Variants in HLA-C observed in about 807,000 individuals in gnomAD.
HLA-C encodes the protein HLA class I histocompatibility antigen, C alpha chain.
Under a neutral mutation model 36.9 loss-of-function variants are expected in HLA-C, and 15 were observed. The observed-to-expected ratio is 0.41, with a 90% CI of 0.27 to 0.63. The LOEUF (loss-of-function observed/expected upper bound fraction) is 0.63. HLA-C is among the 20% of genes least tolerant of loss of function. The pLI is 0.35. For missense variants in HLA-C, 272 were observed against 400.4 expected, an observed-to-expected ratio of 0.68 and a Z score of 2.74; for synonymous variants, 104 against 174.3, an observed-to-expected ratio of 0.60 and a Z score of 3.18.
In HLA-C at chr6:31,270,776, GC is replaced by G; in HGVS notation, c.620-292del. 1.2e-5 allele frequency: 4 copies of G among 334,944 alleles called. 2 individuals are homozygous for G. In the East Asian group the frequency reaches 4.0e-4, roughly 34 times the overall value. The allele number at this position is 334,944 out of a possible 1,614,324, so 20.7% of individuals were successfully genotyped here. A position where few individuals can be genotyped will look rare whatever the true frequency, so the allele number is the denominator to read the frequency against. ...CATTGAGTGTGAGGCAGAGAACAAG[GC>G]CTGAGAGAAAGGTCAGCAGCCTGAC... On this transcript the variant is annotated intron_variant, in intron 3 of 7. Coordinates refer to ENST00000376228, the Ensembl canonical transcript of HLA-C.
chr6:31,270,773 A>G, intron 3 of HLA-C: 1 of 335,904 alleles, frequency 3.0e-6, no homozygotes, highest in Non-Finnish European at 4.9e-6. Flanking sequence ...GGCAGAGAAC[A>G]AGGCCTGAGA....
rs281860511 is a variant in HLA-C, at chr6:31,271,172, C to T, written c.520G>A (p.Ala174Thr). 4 of 1,007,718 alleles carry T rather than the reference C, an allele frequency of 4.0e-6. 1 individual carries two copies. Among genetic ancestry groups the T allele is most frequent in the Non-Finnish European group, 3.9e-6 (3 of 769,836 alleles). 62.4% of individuals were successfully genotyped at this position (1,007,718 alleles called of 1,614,324 possible). ...GCTCTCAGCTGCTCCGCCGCACGGG[C>T]CGCCTCCAACTTGCGCTGGGTGATC... Residue 174 changes from alanine (A) to threonine (T), a missense_variant, in exon 3 of 8, where the codon GCC (alanine) becomes ACC (threonine). By Grantham distance (58) the Ala-to-Thr change is moderately conservative. This residue lies in a region of HLA-C where 49 missense variants were observed against 93.9 expected (regional missense o/e 0.52). Coordinates refer to ENST00000376228, the Ensembl canonical transcript of HLA-C.
exon 2 of HLA-C, chr6:31,271,696 C>G: frequency 3.3e-6 from 5 of 1,506,488 alleles, no homozygotes; most frequent in Non-Finnish European, 4.5e-6. Flanking sequence ...GGTCCCAATA[C>G]TCCGGCCCCT....
rs9264669 is a variant in HLA-C, at chr6:31,271,904, A to T, written c.74-36T>A. On this transcript the variant is annotated intron_variant, in intron 1 of 7. Coordinates refer to ENST00000376228, the Ensembl canonical transcript of HLA-C. ...GGAGGGGCTGAGACCCGCCCGACCC[A>T]CCTCCCTGCGCGGCTCCCCGGGTCC... 0.29 allele frequency: 250,094 copies of T among 859,562 alleles called. 100,246 individuals are homozygous for T. Among genetic ancestry groups the T allele is most frequent in the East Asian group, 0.66 (14,301 of 21,542 alleles). 53.2% of individuals were successfully genotyped at this position (859,562 alleles called of 1,614,324 possible). A position where few individuals can be genotyped will look rare whatever the true frequency, so the allele number is the denominator to read the frequency against.
In HLA-C at chr6:31,271,381, C is replaced by G. The variant is rs755041645; in HGVS notation, c.344-33G>C. Reference sequence around the variant, plus strand: ...CGCCCCCGCGGTCAGCCCAGTCCCCCGAGCCCCGCCCCGCCCCGACCAACC... The same window carrying G: ...CGCCCCCGCGGTCAGCCCAGTCCCCGGAGCCCCGCCCCGCCCCGACCAACC... On this transcript the variant is annotated intron_variant, in intron 2 of 7. Transcript: ENST00000376228. The G allele has an allele frequency of 2.3e-6, 2 of 868,420 alleles. 1 individual carries two copies. Among genetic ancestry groups the G allele is most frequent in the Non-Finnish European group, 3.0e-6 (2 of 673,038 alleles). 53.8% of individuals were successfully genotyped at this position (868,420 alleles called of 1,614,324 possible). A position where few individuals can be genotyped will look rare whatever the true frequency, so the allele number is the denominator to read the frequency against.
At chr6:31,272,060 C>A in exon 1 of HLA-C, 1 of 1,016,528 alleles carries the variant, frequency 9.8e-7, no homozygotes, top group Non-Finnish European at 1.3e-6. Context: ...CTCGGGGCGC[C>A]ATGACCCGCA....
chr6:31,271,934 C>T lies in HLA-C; in HGVS notation c.73+65G>A, dbSNP rs542265088. On this transcript the variant is annotated intron_variant, in intron 1 of 7. Transcript: ENST00000376228. ...CCTGCGCGGCTCCCCGGGTCCTGCG[C>T]CCTCGCCGGGAGGGCCCCTCGCTCC... 25 of 1,137,338 alleles carry T rather than the reference C, an allele frequency of 2.2e-5. 5 individuals are homozygous for T. The South Asian group carries it at 3.3e-4, about 15-fold the overall frequency. 70.5% of individuals were successfully genotyped at this position (1,137,338 alleles called of 1,614,324 possible). A position where few individuals can be genotyped will look rare whatever the true frequency, so the allele number is the denominator to read the frequency against.
exon 5 of HLA-C, chr6:31,269,973 C>T: frequency 1.2e-6 from 1 of 835,604 alleles, no homozygotes; most frequent in Non-Finnish European, 1.5e-6. Context: ...TACCTGAGCT[C>T]TTCCTCCTAC....
chr6:31,271,313 G>T (rs34592426), exon 3 of HLA-C: 15 of 1,043,650 alleles, frequency 1.4e-5, no homozygotes, highest in Middle Eastern at 3.2e-4. Flanking sequence ...TCGGGCCCCA[G>T]GTCGCAGCCA....
Position 31,270,299 on chromosome 6 carries a change from G to C in HLA-C, c.806C>G (p.Ala269Gly). The change falls in exon 4 of 8, where the codon GCA becomes GGA. Residue 269 changes from alanine (A) to glycine (G), a missense_variant. Physicochemically the swap from Ala to Gly is moderately conservative, Grantham distance 60 (BLOSUM62 0). Around this residue, in one of 8 missense-constraint regions of HLA-C, gnomAD observed 32 missense variants for 24.4 expected, o/e 1.31. Transcript: ENST00000376228. ...TTGTCCAGAAGGCACCACCACAGCT[G>C]CCCACTTCTGGAAGGTTCCATCTCC... is the stretch of plus-strand genomic sequence containing the variant. The C allele has an allele frequency of 3.3e-6, 3 of 899,844 alleles. 1 individual carries two copies. Among genetic ancestry groups the C allele is most frequent in the Non-Finnish European group, 4.3e-6 (3 of 695,608 alleles). The allele number at this position is 899,844 out of a possible 1,614,324, so 55.7% of individuals were successfully genotyped here. A position where few individuals can be genotyped will look rare whatever the true frequency, so the allele number is the denominator to read the frequency against.
At position 31,271,361 on chromosome 6, in the gene HLA-C, C is replaced by T. The variant is rs747010950; in HGVS notation, c.344-13G>A. On this transcript the variant is annotated splice_polypyrimidine_tract_variant and intron_variant, in intron 2 of 7. Transcript: ENST00000376228. ...AGGGTGTGAGACCCTGGCCCCGCCC[C>T]CGCGGTCAGCCCAGTCCCCCGAGCC... is the stretch of plus-strand genomic sequence containing the variant. 23 of 931,442 alleles carry T rather than the reference C, an allele frequency of 2.5e-5. No homozygotes were observed. The highest frequency in any genetic ancestry group is 4.5e-4 in the Middle Eastern group (1 of 2,242). The allele number at this position is 931,442 out of a possible 1,614,324, so 57.7% of individuals were successfully genotyped here.
chr6:31,269,387 TG>T lies in HLA-C; in HGVS notation c.1049-3del. Reference sequence around the variant, plus strand: ...CAGAGCCCTGGGCACTGTTGCTGCCTGGGGTAGAACAAAAAAAAAGACCTGG... The same window carrying T: ...CAGAGCCCTGGGCACTGTTGCTGCCTGGGTAGAACAAAAAAAAAGACCTGG... On this transcript the variant is annotated splice_region_variant and splice_polypyrimidine_tract_variant and intron_variant, in intron 6 of 7. Coordinates refer to ENST00000376228, the Ensembl canonical transcript of HLA-C. The T allele has an allele frequency of 2.3e-6, 2 of 871,716 alleles. No homozygotes were observed. The highest frequency in any genetic ancestry group is 5.9e-5 in the East Asian group (1 of 16,820). The allele number at this position is 871,716 out of a possible 1,614,324, so 54.0% of individuals were successfully genotyped here.
rs41555814 is a variant in HLA-C at position 31,271,131 on chromosome 6, C to A, written c.561G>T (p.Thr187=). 5 of 1,151,724 alleles carry A rather than the reference C, an allele frequency of 4.3e-6. 1 individual carries two copies. The Admixed American group carries it at 9.9e-5, about 23-fold the overall frequency. 71.3% of individuals were successfully genotyped at this position (1,151,724 alleles called of 1,614,324 possible). The change falls in exon 3 of 8, where the codon ACG becomes ACT. Residue 187 remains threonine (T), a synonymous_variant. Transcript: ENST00000376228. Reference sequence around the variant, plus strand: ...GGTATCTGCGGAGCCACTCCACGCACGTGCCCTCCAGGTAGGCTCTCAGCT... The same window carrying A: ...GGTATCTGCGGAGCCACTCCACGCAAGTGCCCTCCAGGTAGGCTCTCAGCT...
rs1323742039 is a variant in HLA-C, at chr6:31,271,987, C to G, written c.73+12G>C. 1 of 1,079,278 alleles carries G rather than the reference C, an allele frequency of 9.3e-7. No homozygotes were observed. The highest frequency in any genetic ancestry group is 2.5e-5 in the African/African-American group (1 of 40,026). 66.9% of individuals were successfully genotyped at this position (1,079,278 alleles called of 1,614,324 possible). A position where few individuals can be genotyped will look rare whatever the true frequency, so the allele number is the denominator to read the frequency against. The stretch of plus-strand genomic sequence containing the variant: ...TCCGCAGAGGCCGCTTCCCTCCCAA[C>G]CCCGCACTCACAGGCCCAGGTCTCG... On this transcript the variant is annotated intron_variant, in intron 1 of 7. Coordinates refer to ENST00000376228, the Ensembl canonical transcript of HLA-C.
intron 2 of HLA-C, 21 bp downstream of exon 2, chr6:31,271,577 GC>G: frequency 8.3e-7 from 1 of 1,207,016 alleles, no homozygotes. Context: ...CGTGACCTGC[GC>G]CCCGGGCCGG....
chr6:31,271,802 A>G, exon 2 of HLA-C: 1 of 1,369,812 alleles, frequency 7.3e-7, no homozygotes, highest in Non-Finnish European at 9.8e-7. Flanking sequence ...GCCCACTGAG[A>G]TGAAGCGGGG....
chr6:31,269,603 G>A, intron 5 of HLA-C, 78 bp from the exon 6 acceptor site: 1 of 575,182 alleles, frequency 1.7e-6, no homozygotes, highest in Non-Finnish European at 2.3e-6. Flanking sequence ...CCTAGTCTTG[G>A]ACCCAAGAGA....
exon 8 of HLA-C, chr6:31,269,037 C>T (rs749628936): frequency 1.4e-6 from 1 of 720,026 alleles, no homozygotes; most frequent in Non-Finnish European, 2.5e-6. Context: ...GTCTCTCCAC[C>T]TCCTCACATT....
rs762421695 is a variant in HLA-C at position 31,271,372 on chromosome 6, C to A, written c.344-24G>T. On this transcript the variant is annotated intron_variant, in intron 2 of 7. Transcript: ENST00000376228. ...CCCTGGCCCCGCCCCCGCGGTCAGCCCAGTCCCCCGAGCCCCGCCCCGCCC... is the reference window on the plus strand; with the variant it reads ...CCCTGGCCCCGCCCCCGCGGTCAGCACAGTCCCCCGAGCCCCGCCCCGCCC... 2 of 897,754 alleles carry A rather than the reference C, an allele frequency of 2.2e-6. 1 individual carries two copies. Among genetic ancestry groups the A allele is most frequent in the Non-Finnish European group, 2.9e-6 (2 of 692,536 alleles). 55.6% of individuals were successfully genotyped at this position (897,754 alleles called of 1,614,324 possible).
Sources: gnomAD v4.1 joint callset for allele counts on GRCh38, gnomAD v4.1.1 for gene constraint, gnomAD v4.1.1 regional missense constraint, MANE v1.5 for transcripts, NCBI Gene and HGNC (gene_info 2026-07-23, HGNC 2026-07-21) for gene names.